IQCK: variants seen among roughly 807,000 people sequenced by gnomAD.
IQCK encodes IQ domain-containing protein K.
Under a neutral mutation model 28.1 loss-of-function variants are expected in IQCK, and 29 were observed. The ratio of observed to expected loss-of-function variants is 1.03; its 90% CI spans 0.77 to 1.41. The LOEUF (loss-of-function observed/expected upper bound fraction) is 1.41, where lower values mean the gene tolerates loss of function less well. Among genes scored for constraint, IQCK ranks in the 40% most tolerant of loss-of-function variants. The pLI, the probability that IQCK is intolerant of heterozygous loss-of-function variation, is 0.00. For synonymous variants in IQCK, 113 were observed against 115.1 expected (o/e 0.98, Z 0.12); for missense variants, 359 against 314.7 (o/e 1.14, Z -1.07).
At chr16:19,772,867 G>A (rs1329339291) in intron 6 of IQCK, among the ~76,000 whole-genome samples, 1 of 152,074 alleles carries the variant, frequency 6.6e-6, no homozygotes, top group Non-Finnish European at 1.5e-5. Flanking sequence ...GCTGATCATG[G>A]TGGTGCTCAC....
intron 9 of IQCK, among the ~76,000 whole-genome samples, chr16:19,845,183 G>C (rs1412242606): frequency 6.6e-6 from 1 of 152,174 alleles, no homozygotes; most frequent in Non-Finnish European, 1.5e-5. Flanking sequence ...CAAGATGAGT[G>C]AATCTTGTCT....
At chr16:19,765,843 T>C (rs929353670) in intron 6 of IQCK, 1 of 152,222 alleles carries the variant, frequency 6.6e-6, no homozygotes, top group East Asian at 1.9e-4. Context: ...TTGAGTATCA[T>C]TCTCCAAGTT....
At chr16:19,777,751 G>A (rs1011179252) in intron 6 of IQCK, among the ~76,000 whole-genome samples, 3 of 152,038 alleles carry the variant, frequency 2.0e-5, no homozygotes, top group Non-Finnish European at 4.4e-5. Flanking sequence ...CTCCATGGCT[G>A]TTTAAGAACC....
intron 4 of IQCK, 21 bp downstream of exon 4, chr16:19,735,471 T>A: frequency 1.3e-6 from 2 of 1,532,128 alleles, no homozygotes; most frequent in Non-Finnish European, 1.8e-6. Context: ...TGGCAGGATT[T>A]CTTTATTTTG....
At chr16:19,731,525 A>G (rs1286587634) in intron 2 of IQCK, among the ~76,000 whole-genome samples, 1 of 152,172 alleles carries the variant, frequency 6.6e-6, no homozygotes, top group Non-Finnish European at 1.5e-5. Flanking sequence ...GCAGATACAA[A>G]TCACAGTTCT....
Position 19,844,322 on chromosome 16 carries a change from G to A in IQCK, c.803-12165G>A, listed in dbSNP as rs896588717. 3.3e-5 allele frequency among the ~76,000 whole-genome samples: 5 copies of A among 152,204 alleles called. No individual in the cohort carries two copies. In the South Asian group the frequency reaches 6.2e-4, roughly 19 times the overall value. On this transcript the variant is annotated intron_variant, in intron 9 of 9. Transcript: ENST00000320394. ...TTGAACTCCTGACCTCAGGTGATCCGCCCGCCTTGGCCTCCCAAAGTGCTG... is the reference window on the plus strand; with the variant it reads ...TTGAACTCCTGACCTCAGGTGATCCACCCGCCTTGGCCTCCCAAAGTGCTG...
intron 3 of IQCK, 26 bp from the exon 4 acceptor site, chr16:19,735,327 G>A: frequency 6.5e-7 from 1 of 1,543,598 alleles, no homozygotes; most frequent in South Asian, 1.1e-5. Context: ...GGATTTGCAG[G>A]GGGAATTTTT....
At chr16:19,772,893 C>A (rs997479658) in intron 6 of IQCK, among the ~76,000 whole-genome samples, 1 of 152,060 alleles carries the variant, frequency 6.6e-6, no homozygotes, top group African/African-American at 2.4e-5. Context: ...GTCCCAGCTA[C>A]TCAGGAGGCT....
chr16:19,822,959 G>C (rs762394180), intron 7 of IQCK, among the ~76,000 whole-genome samples: 5 of 152,246 alleles, frequency 3.3e-5, no homozygotes, highest in South Asian at 2.1e-4. Context: ...ATTATTAAGA[G>C]AGTTGGAAGA....
chr16:19,843,544 A>C (rs545334063), intron 9 of IQCK, among the ~76,000 whole-genome samples: 7 of 152,228 alleles, frequency 4.6e-5, no homozygotes, highest in Non-Finnish European at 1.0e-4. Flanking sequence ...ATGTGTCAGT[A>C]CTTTACTCCT....
At chr16:19,755,080 T>C (rs1360725590) in intron 4 of IQCK, among the ~76,000 whole-genome samples, 2 of 152,232 alleles carry the variant, frequency 1.3e-5, no homozygotes, top group East Asian at 3.9e-4. Flanking sequence ...GGCATCTGGT[T>C]ATAGGCCAAG....
At chr16:19,837,377 G>C (rs2056311810) in intron 9 of IQCK, among the ~76,000 whole-genome samples, 1 of 152,040 alleles carries the variant, frequency 6.6e-6, no homozygotes, top group Non-Finnish European at 1.5e-5. Context: ...CTCCAGCATG[G>C]GCAACAGAAT....
chr16:19,751,827 C>G (rs897084833), intron 4 of IQCK, among the ~76,000 whole-genome samples: 1 of 152,082 alleles, frequency 6.6e-6, no homozygotes, highest in Non-Finnish European at 1.5e-5. Context: ...AGAGTTTGTA[C>G]AAAGACTTGC....
chr16:19,746,024 C>T (rs1211256345), intron 4 of IQCK, among the ~76,000 whole-genome samples: 1 of 152,136 alleles, frequency 6.6e-6, no homozygotes, highest in Non-Finnish European at 1.5e-5. Context: ...TAAGAATTAG[C>T]TAGGCCTGGT....
intron 7 of IQCK, among the ~76,000 whole-genome samples, chr16:19,807,953 A>AT (rs370297605): frequency 7.2e-5 from 11 of 151,950 alleles, no homozygotes; most frequent in Admixed American, 2.0e-4. Context: ...TTAAATGAGT[A>AT]TTTTTTTTAA....
intron 4 of IQCK, among the ~76,000 whole-genome samples, chr16:19,757,341 T>A (rs1406230352): frequency 6.6e-6 from 1 of 152,218 alleles, no homozygotes; most frequent in Non-Finnish European, 1.5e-5. Context: ...AGTATAAAAA[T>A]TGGTACAAAA....
At chr16:19,746,279 C>A (rs942307181) in intron 4 of IQCK, among the ~76,000 whole-genome samples, 1 of 151,008 alleles carries the variant, frequency 6.6e-6, no homozygotes, top group African/African-American at 2.4e-5. Context: ...GCATGCAATG[C>A]GAAATATCAT....
At chr16:19,724,986 C>T (rs1977610313) in intron 1 of IQCK, among the ~76,000 whole-genome samples, 1 of 152,174 alleles carries the variant, frequency 6.6e-6, no homozygotes, top group South Asian at 2.1e-4. Flanking sequence ...ACAGGGGCTC[C>T]ACTCTGCCAA....
At chr16:19,747,683 C>A (rs868392867) in intron 4 of IQCK, among the ~76,000 whole-genome samples, 2 of 152,166 alleles carry the variant, frequency 1.3e-5, no homozygotes, top group Admixed American at 6.6e-5. Context: ...TCATTCCACT[C>A]TATCCATCTG....
Sources: allele counts gnomAD v4.1 joint callset (sites outside exome capture counted in the v4.1 genomes callset), GRCh38; gene constraint gnomAD v4.1.1; transcripts MANE v1.5; gene names NCBI Gene and HGNC (gene_info 2026-07-23, HGNC 2026-07-21).